RIMS2: variants seen among roughly 807,000 people sequenced by gnomAD.
RIMS2 encodes the protein regulating synaptic membrane exocytosis protein 2.
Under a neutral mutation model 174.4 loss-of-function variants are expected in RIMS2, and 59 were observed. The ratio of observed to expected loss-of-function variants is 0.34; its 90% CI spans 0.27 to 0.42. RIMS2 has a LOEUF of 0.42. Ranked by LOEUF, RIMS2 falls within the 10% of genes least tolerant of loss-of-function variation. RIMS2 has a pLI of 1.00. For missense variants in RIMS2, 1,620 were observed against 1,666.3 expected (o/e 0.97, Z 0.48); for synonymous variants, 606 against 572.5 (o/e 1.06, Z -0.84).
chr8:103,987,978 G>A (rs992153495), intron 16 of RIMS2, among the ~76,000 whole-genome samples: 1 of 152,048 alleles, frequency 6.6e-6, no homozygotes, highest in Non-Finnish European at 1.5e-5. Context: ...CTATAATAAA[G>A]ATATCAATTT....
Position 104,100,809 on chromosome 8 carries a change from ATATAT to A in RIMS2, c.3334+86205_3334+86209del, listed in dbSNP as rs367575154. ...TTCAATTTCCTGTTATATATATATT[ATATAT>A]TATATTATATATGTAATATATAATA... On this transcript the variant is annotated intron_variant, in intron 19 of 23. Coordinates refer to ENST00000504942, the Ensembl canonical transcript of RIMS2. 1.1e-3 allele frequency among the ~76,000 whole-genome samples: 151 copies of A among 141,400 alleles called. 1 individual carries two copies. The East Asian group carries it at 0.021, about 20-fold the overall frequency. The allele number at this position is 141,400 out of a possible 152,430, so 92.8% of individuals were successfully genotyped here.
intron 16 of RIMS2, among the ~76,000 whole-genome samples, chr8:103,987,596 T>G (rs1488971273): frequency 6.6e-6 from 1 of 151,856 alleles, no homozygotes; most frequent in East Asian, 1.9e-4. Flanking sequence ...TTCATTAATA[T>G]TGTCACTGTT....
chr8:103,865,301 T>TTTTTTTTTG, intron 3 of RIMS2, among the ~76,000 whole-genome samples: 1 of 148,676 alleles, frequency 6.7e-6, no homozygotes, highest in Admixed American at 6.7e-5. Context: ...TTTTTTTTTT[T>TTTTTTTTTG]TGAGATGGAG....
In RIMS2 at chr8:104,010,701, G is replaced by T. The variant is rs115751893; in HGVS notation, c.3045-2741G>T. On this transcript the variant is annotated intron_variant, in intron 17 of 23. Transcript: ENST00000504942. ...CTATTCAAAAAATGTAACAGTGATAGATATTAAATCACTTTTTAAAAGACA... is the reference window on the plus strand; with the variant it reads ...CTATTCAAAAAATGTAACAGTGATATATATTAAATCACTTTTTAAAAGACA... 7.6e-3 allele frequency among the ~76,000 whole-genome samples: 1,159 copies of T among 152,150 alleles called. 24 individuals carry two copies. The highest frequency in any genetic ancestry group is 0.026 in the African/African-American group (1,091 of 41,506).
intron 2 of RIMS2, among the ~76,000 whole-genome samples, chr8:103,700,474 G>A (rs2097154890): frequency 6.6e-6 from 1 of 151,680 alleles, no homozygotes; most frequent in Non-Finnish European, 1.5e-5. Context: ...ATTGGGTTAG[G>A]TATTAACATA....
intron 1 of RIMS2, among the ~76,000 whole-genome samples, chr8:103,622,717 T>G (rs1456787582): frequency 6.6e-6 from 1 of 152,174 alleles, no homozygotes; most frequent in African/African-American, 2.4e-5. Flanking sequence ...TTTGATAACC[T>G]TATATGCTCT....
At chr8:104,208,551 G>C (rs1469851548) in intron 19 of RIMS2, among the ~76,000 whole-genome samples, 1 of 149,694 alleles carries the variant, frequency 6.7e-6, no homozygotes, top group African/African-American at 2.5e-5. Context: ...CTGGGTGGCA[G>C]AGTGAGACTC....
chr8:104,239,726 A>G (rs2099276797), intron 19 of RIMS2, among the ~76,000 whole-genome samples: 1 of 152,204 alleles, frequency 6.6e-6, no homozygotes, highest in South Asian at 2.1e-4. Context: ...TATTAGTTTT[A>G]TATTACAGTA....
intron 19 of RIMS2, among the ~76,000 whole-genome samples, chr8:104,171,491 G>C (rs1018596532): frequency 5.8e-5 from 5 of 86,360 alleles, no homozygotes; most frequent in Admixed American, 1.5e-4. Context: ...AGTTCTGATT[G>C]ATTTTTTTTG....
At chr8:104,133,420 G>A (rs568472872) in intron 19 of RIMS2, among the ~76,000 whole-genome samples, 9 of 152,200 alleles carry the variant, frequency 5.9e-5, no homozygotes, top group Non-Finnish European at 1.2e-4. Flanking sequence ...TTTGTTATAG[G>A]CACAAGAAAG....
intron 19 of RIMS2, among the ~76,000 whole-genome samples, chr8:104,038,245 T>G (rs1308068804): frequency 6.6e-6 from 1 of 152,004 alleles, no homozygotes; most frequent in Admixed American, 6.6e-5. Context: ...TTTTATTTCA[T>G]TGTAATTTGT....
chr8:103,867,761 A>T (rs1437116700), intron 3 of RIMS2, among the ~76,000 whole-genome samples: 2 of 151,972 alleles, frequency 1.3e-5, no homozygotes, highest in Non-Finnish European at 2.9e-5. Flanking sequence ...ATAAAATTCC[A>T]TTTTTATGCA....
In RIMS2 at chr8:104,176,516, C is replaced by T. The variant is rs111910380; in HGVS notation, c.3335-68400C>T. 4.3e-3 allele frequency among the ~76,000 whole-genome samples: 659 copies of T among 152,166 alleles called. 3 individuals are homozygous for T. Among genetic ancestry groups the T allele is most frequent in the African/African-American group, 0.015 (614 of 41,540 alleles). ...TCCTTAAACTATTGGTTTATTTATT[C>T]TGTCCTTGCTGTGAAGTTATAGTAA... On this transcript the variant is annotated intron_variant, in intron 19 of 23. Coordinates refer to ENST00000504942, the Ensembl canonical transcript of RIMS2.
intron 2 of RIMS2, among the ~76,000 whole-genome samples, chr8:103,746,624 C>T (rs1487568620): frequency 6.6e-6 from 1 of 152,002 alleles, no homozygotes; most frequent in Non-Finnish European, 1.5e-5. Context: ...CTCTGAAAGG[C>T]CACAGTGTGT....
chr8:103,854,890 G>A (rs1401605390), intron 3 of RIMS2, among the ~76,000 whole-genome samples: 1 of 151,974 alleles, frequency 6.6e-6, no homozygotes, highest in Non-Finnish European at 1.5e-5. Flanking sequence ...GAATAAGTTA[G>A]GGAGGAGCCT....
intron 19 of RIMS2, among the ~76,000 whole-genome samples, chr8:104,081,327 C>A (rs769118329): frequency 1.1e-4 from 17 of 151,866 alleles, no homozygotes; most frequent in Non-Finnish European, 2.4e-4. Flanking sequence ...ATAAAACATG[C>A]TTTTATTCAA....
intron 3 of RIMS2, among the ~76,000 whole-genome samples, chr8:103,818,284 T>C (rs2098730611): frequency 6.6e-6 from 1 of 152,106 alleles, no homozygotes; most frequent in African/African-American, 2.4e-5. Flanking sequence ...ATTAAAGAAA[T>C]GTCAAAGGTT....
intron 1 of RIMS2, among the ~76,000 whole-genome samples, chr8:103,664,609 TAA>T (rs2096645595): frequency 6.6e-6 from 1 of 152,074 alleles, no homozygotes; most frequent in Non-Finnish European, 1.5e-5. Context: ...TGGCAATCAT[TAA>T]AAAGTCAGGA....
At chr8:104,135,613 C>CAAAAAAA (rs35163912) in intron 19 of RIMS2, among the ~76,000 whole-genome samples, 7 of 79,642 alleles carry the variant, frequency 8.8e-5, no homozygotes, top group Non-Finnish European at 9.9e-5. Flanking sequence ...CTCCCAACCT[C>CAAAAAAA]AAAAAAAAAA....
Sources: allele counts gnomAD v4.1 joint callset (sites outside exome capture counted in the v4.1 genomes callset), GRCh38; gene constraint gnomAD v4.1.1; transcripts MANE v1.5; gene names NCBI Gene and HGNC (gene_info 2026-07-23, HGNC 2026-07-21).